Variants in SEPTIN3 observed in about 807,000 individuals in gnomAD.
The protein encoded by SEPTIN3 is neuronal-specific septin-3.
A neutral mutation model predicts 45.1 loss-of-function variants in SEPTIN3; 15 were observed. The ratio of observed to expected loss-of-function variants is 0.33; its 90% CI spans 0.22 to 0.51. SEPTIN3 has a LOEUF of 0.51. SEPTIN3 is among the 20% of genes least tolerant of loss of function. SEPTIN3 has a pLI of 0.97. For missense variants in SEPTIN3, 289 were observed against 457.2 expected (o/e 0.63, Z 3.35); for synonymous variants, 148 against 164.8 (o/e 0.90, Z 0.78).
chr22:41,969,970 G>T (rs2077942276), intron 1 of SEPTIN3, among the ~76,000 whole-genome samples: 1 of 152,088 alleles, frequency 6.6e-6, no homozygotes, highest in Non-Finnish European at 1.5e-5. Flanking sequence ...GTGGGAAAGG[G>T]TTGGAGGCCA....
rs535300477 is a variant in SEPTIN3 at position 41,985,101 on chromosome 22, G to A, written c.1697-883G>A. ...CGATCTCCTCCTGACCTCATGATCC[G>A]CCTGTCTCGGCCTCCCAAAGTGCTG... On this transcript the variant is annotated intron_variant, in intron 3 of 11. Coordinates refer to ENST00000644076, the MANE Select transcript of SEPTIN3 (RefSeq NM_001363845.2). Among the ~76,000 whole-genome samples the A allele has an allele frequency of 2.6e-4, 39 of 151,854 alleles. 1 individual carries two copies. Among genetic ancestry groups the A allele is most frequent in the Admixed American group, 1.9e-3 (29 of 15,242 alleles).
In SEPTIN3 at chr22:41,970,080, C is replaced by A. The variant is rs529680223; in HGVS notation, c.-20+403C>A. ...TCCCTGTCCGGTGCCCTGCCTTCCC[C>A]GTCCCTGCTGCAGACCTCAAGGACC... is the stretch of plus-strand genomic sequence containing the variant. On this transcript the variant is annotated intron_variant, in intron 1 of 11. Transcript: ENST00000644076. 2.7e-4 allele frequency among the ~76,000 whole-genome samples: 41 copies of A among 152,096 alleles called. No individual in the cohort carries two copies. In the South Asian group the frequency reaches 8.5e-3, roughly 32 times the overall value.
intron 3 of SEPTIN3, 184 bp downstream of exon 3, chr22:41,982,020 G>T: frequency 4.9e-6 from 3 of 613,930 alleles, no homozygotes; most frequent in Admixed American, 2.9e-5. Flanking sequence ...TGACCCAGGG[G>T]TAGGAGCTTC....
In SEPTIN3 at chr22:41,987,622, C is replaced by T. The variant is rs1391326182; in HGVS notation, c.1908C>T (p.Cys636=). ...GFGDQINNEN[C]WEPIEKYINE... is the part of the protein sequence containing the mutation. ...TCTATCTACTTTCCCTCCCCATCAG[C>T]TGGGAGCCCATTGAGAAGTACATCA... is the stretch of plus-strand genomic sequence containing the variant. The change falls in exon 6 of 12, where the codon TGC becomes TGT. Residue 636 remains cysteine, a splice_region_variant and synonymous_variant. Transcript: ENST00000644076. 1 of 1,608,500 alleles carries T rather than the reference C, an allele frequency of 6.2e-7. No individual in the cohort carries two copies. Among genetic ancestry groups the T allele is most frequent in the Non-Finnish European group, 8.5e-7 (1 of 1,175,414 alleles).
At chr22:41,995,742 T>C (rs911430161) in intron 11 of SEPTIN3, 1 of 984,746 alleles carries the variant, frequency 1.0e-6, no homozygotes, top group African/African-American at 1.7e-5. Flanking sequence ...AGAAAGTTTC[T>C]GTAGTCAAGC....
rs1274391540 is a variant in SEPTIN3, at chr22:41,971,837, G to T, written c.345G>T (p.Gln115His). ...KLSSISLTLH[Q>H]NSQARSLDRP... ...GCTCCATCTCCTTGACTCTCCATCA[G>T]AACAGCCAGGCACGGTCCCTGGATC... is the stretch of plus-strand genomic sequence containing the variant. Residue 115 changes from glutamine (Q) to histidine (H), a missense_variant, in exon 2 of 12, where the codon CAG becomes CAT. Coordinates refer to ENST00000644076, the MANE Select transcript of SEPTIN3 (RefSeq NM_001363845.2). The T allele has an allele frequency of 5.0e-6, 2 of 399,194 alleles. No individual in the cohort carries two copies. Among genetic ancestry groups the T allele is most frequent in the African/African-American group, 4.1e-5 (2 of 48,622 alleles). The allele number at this position is 399,194 out of a possible 1,614,324, so 24.7% of individuals were successfully genotyped here. A position where few individuals can be genotyped will look rare whatever the true frequency, so the allele number is the denominator to read the frequency against.
At position 41,972,362 on chromosome 22, in the gene SEPTIN3, A is replaced by G. The variant is rs1185255379; in HGVS notation, c.870A>G (p.Gln290=). 1 of 398,912 alleles carries G rather than the reference A, an allele frequency of 2.5e-6. No individual in the cohort carries two copies. The highest frequency in any genetic ancestry group is 4.4e-6 in the Non-Finnish European group (1 of 226,098). 24.7% of individuals were successfully genotyped at this position (398,912 alleles called of 1,614,324 possible). A position where few individuals can be genotyped will look rare whatever the true frequency, so the allele number is the denominator to read the frequency against. ...AINLATPNTS[Q]LDTGTEFPAL... The stretch of plus-strand genomic sequence containing the variant: ...ATTTAGCCACACCAAACACATCCCA[A>G]CTGGACACAGGCACAGAGTTCCCTG... The change falls in exon 2 of 12, where the codon CAA becomes CAG. Residue 290 remains glutamine (Q), a synonymous_variant. Coordinates refer to ENST00000644076, the MANE Select transcript of SEPTIN3 (RefSeq NM_001363845.2).
chr22:41,996,196 C>T (rs2078434407), intron 11 of SEPTIN3: 1 of 985,258 alleles, frequency 1.0e-6, no homozygotes, highest in Non-Finnish European at 1.2e-6. Context: ...TTAGGCTTTT[C>T]TTGCCTTTCC....
Position 41,998,097 on chromosome 22 carries a change from A to G in SEPTIN3, c.*1130A>G, listed in dbSNP as rs1017674885. On this transcript the variant is annotated 3_prime_UTR_variant, in exon 12 of 12. Coordinates refer to ENST00000644076, the MANE Select transcript of SEPTIN3 (RefSeq NM_001363845.2). ...TCTTAAATGTTACCAGTCCCAGCCA[A>G]TCTTACGGTGACATTACAGTTAAAT... 6.5e-6 allele frequency: 1 copy of G among 152,700 alleles called. No individual in the cohort carries two copies. Among genetic ancestry groups the G allele is most frequent in the African/African-American group, 2.4e-5 (1 of 41,474 alleles). 9.5% of individuals were successfully genotyped at this position (152,700 alleles called of 1,614,324 possible). A position where few individuals can be genotyped will look rare whatever the true frequency, so the allele number is the denominator to read the frequency against.
At chr22:41,990,100 G>C (rs1454056853) in intron 7 of SEPTIN3, among the ~76,000 whole-genome samples, 1 of 151,512 alleles carries the variant, frequency 6.6e-6, no homozygotes, top group African/African-American at 2.4e-5. Context: ...GAGTGCAGTG[G>C]CGTGATCTCG....
Position 41,994,360 on chromosome 22 carries a change from A to G in SEPTIN3, c.2411+19A>G, listed in dbSNP as rs767041911. The G allele has an allele frequency of 4.3e-6, 7 of 1,612,568 alleles. No homozygotes were observed. The African/African-American group carries it at 9.3e-5, about 22-fold the overall frequency. ...TCATCAGGTAAGATGTCTCCCCTCCAGCTGTCCAGACAGCAGGTTGAATTA... is the reference window on the plus strand; with the variant it reads ...TCATCAGGTAAGATGTCTCCCCTCCGGCTGTCCAGACAGCAGGTTGAATTA... On this transcript the variant is annotated intron_variant, in intron 10 of 11. Coordinates refer to ENST00000644076, the MANE Select transcript of SEPTIN3 (RefSeq NM_001363845.2). This position sits in a 1 kb window ranked among gnomAD's most constrained non-coding sequence, Gnocchi z 4.2.
chr22:41,986,065 GGGA>G lies in SEPTIN3; in HGVS notation c.1783_1785del (p.Glu595del), dbSNP rs2078202686. 3.7e-6 allele frequency: 6 copies of G among 1,613,762 alleles called. No homozygotes were observed. The highest frequency in any genetic ancestry group is 1.1e-5 in the South Asian group (1 of 91,034). On this transcript the variant is annotated inframe_deletion, in exon 4 of 12. Transcript: ENST00000644076. ...AGCCGCAAGGCCTCCAGCTGGAACC[GGGA>G]GGAGAAGATCCCCAAGACAGTGGAG...
At position 41,997,127 on chromosome 22, in the gene SEPTIN3, C is replaced by T. The variant is rs1414474526; in HGVS notation, c.*160C>T. ...GCTGCCTCTTTAGGCCAGTTGCATCCTCCATTTATCCAAACCACTCCTCTC... is the reference window on the plus strand; with the variant it reads ...GCTGCCTCTTTAGGCCAGTTGCATCTTCCATTTATCCAAACCACTCCTCTC... On this transcript the variant is annotated 3_prime_UTR_variant, in exon 12 of 12. Transcript: ENST00000644076. The T allele has an allele frequency of 8.8e-6, 12 of 1,358,118 alleles. No individual in the cohort carries two copies. Among genetic ancestry groups the T allele is most frequent in the Non-Finnish European group, 1.2e-5 (12 of 1,008,930 alleles). The allele number at this position is 1,358,118 out of a possible 1,614,324, so 84.1% of individuals were successfully genotyped here.
chr22:41,979,972 T>G (rs550028052), intron 2 of SEPTIN3, among the ~76,000 whole-genome samples: 1 of 152,222 alleles, frequency 6.6e-6, no homozygotes, highest in Non-Finnish European at 1.5e-5. Context: ...GAAGGTGTCC[T>G]CAAGAGCACA....
At chr22:41,981,481 G>T in intron 2 of SEPTIN3, 164 bp from the exon 3 acceptor site, 1 of 590,878 alleles carries the variant, frequency 1.7e-6, no homozygotes, top group Non-Finnish European at 2.9e-6. Flanking sequence ...CCAGGCCTCA[G>T]TCTCTTTGTC....
rs181345278 is a variant in SEPTIN3, at chr22:41,994,851, C to T, written c.2505+137C>T. 2 of 1,583,498 alleles carry T rather than the reference C, an allele frequency of 1.3e-6. No individual in the cohort carries two copies. Among genetic ancestry groups the T allele is most frequent in the African/African-American group, 2.7e-5 (2 of 74,402 alleles). ...CCTTCTTCCTCTCAACTCTGTCCCA[C>T]AGGCCTGTCTGGTATTTGTGGAGCA... On this transcript the variant is annotated intron_variant, in intron 11 of 11. Transcript: ENST00000644076. This position sits in a 1 kb window ranked among gnomAD's most constrained non-coding sequence, Gnocchi z 4.2.
Position 41,989,727 on chromosome 22 carries a change from C to T in SEPTIN3, c.2163+43C>T, listed in dbSNP as rs201731817. The T allele has an allele frequency of 1.8e-5, 23 of 1,306,890 alleles. No homozygotes were observed. The Admixed American group carries it at 2.9e-4, about 16-fold the overall frequency. 81.0% of individuals were successfully genotyped at this position (1,306,890 alleles called of 1,614,324 possible). A position where few individuals can be genotyped will look rare whatever the true frequency, so the allele number is the denominator to read the frequency against. On this transcript the variant is annotated intron_variant, in intron 7 of 11. Transcript: ENST00000644076. ...CTTCTTTTCCTGTTCCCATCCCCTC[C>T]TTTCTCTCCGCTGGGTTCAGGCCAT...
At chr22:41,981,885 A>G in intron 3 of SEPTIN3, 49 bp downstream of exon 3, 2 of 1,537,176 alleles carry the variant, frequency 1.3e-6, no homozygotes, top group Non-Finnish European at 8.9e-7. Flanking sequence ...GGCAGCACCA[A>G]GGATCCCATT....
intron 2 of SEPTIN3, among the ~76,000 whole-genome samples, chr22:41,980,733 G>A (rs1228474198): frequency 2.0e-5 from 3 of 152,176 alleles, no homozygotes; most frequent in Non-Finnish European, 2.9e-5. Flanking sequence ...AACCCAGGGG[G>A]ACGTTTGCCC....
Sources: gnomAD v4.1 joint callset for allele counts (sites outside exome capture counted in the v4.1 genomes callset) on GRCh38, gnomAD v4.1.1 for gene constraint, Gnocchi (gnomAD v3.1) non-coding constraint, MANE v1.5 for transcripts, NCBI Gene and HGNC (gene_info 2026-07-23, HGNC 2026-07-21) for gene names.